DPYSL2: variants seen among roughly 807,000 people sequenced by gnomAD.
DPYSL2 encodes dihydropyrimidinase-related protein 2.
A neutral mutation model predicts 69.9 loss-of-function variants in DPYSL2; 13 were observed. The observed-to-expected ratio is 0.19, with a 90% confidence interval of 0.12 to 0.30. The LOEUF (loss-of-function observed/expected upper bound fraction) is 0.30. Among genes scored for constraint, DPYSL2 ranks in the 10% least tolerant of loss-of-function variants. The pLI is 1.00. For missense variants in DPYSL2, 587 were observed against 918.9 expected (o/e 0.64, Z 4.67); for synonymous variants, 326 against 359.1 (o/e 0.91, Z 1.04).
chr8:26,638,968 G>C (rs1485873180), intron 8 of DPYSL2, among the ~76,000 whole-genome samples: 1 of 152,242 alleles, frequency 6.6e-6, no homozygotes, highest in African/African-American at 2.4e-5. Flanking sequence ...GCCGTGGGCA[G>C]TGCCTGATGA....
intron 1 of DPYSL2, among the ~76,000 whole-genome samples, chr8:26,549,682 C>T (rs190403649): frequency 2.3e-3 from 345 of 152,242 alleles, no homozygotes; most frequent in Admixed American, 5.2e-3. Context: ...AAGTAAAAAG[C>T]ACTTTATATA....
chr8:26,653,863 G>C lies in DPYSL2; in HGVS notation c.1942+466G>C, dbSNP rs1202647174. 5.9e-5 allele frequency among the ~76,000 whole-genome samples: 9 copies of C among 152,224 alleles called. No homozygotes were observed. The highest frequency in any genetic ancestry group is 1.9e-4 in the African/African-American group (8 of 41,532). On this transcript the variant is annotated intron_variant, in intron 13 of 13. Coordinates refer to ENST00000521913, the MANE Select transcript of DPYSL2 (RefSeq NM_001197293.3). The surrounding 1 kb of genome is among the most constrained non-coding windows in gnomAD (Gnocchi z 5.7). Reference sequence around the variant, plus strand: ...GAGCCACCGGGCCCAGCCTAGCTTGGCCTGGAGATGTATTTTCATAGTTAA... The same window carrying C: ...GAGCCACCGGGCCCAGCCTAGCTTGCCCTGGAGATGTATTTTCATAGTTAA...
rs150511931 is a variant in DPYSL2, at chr8:26,636,827, G to A, written c.1126+1927G>A. ...GCCATCTCAGCTCACTGCAGTCTCC[G>A]CCTCCTGGACTCAAGCGATTCTCCC... is the stretch of plus-strand genomic sequence containing the variant. On this transcript the variant is annotated intron_variant, in intron 8 of 13. Transcript: ENST00000521913. Among the ~76,000 whole-genome samples the A allele has an allele frequency of 3.3e-3, 506 of 152,124 alleles. 3 individuals are homozygous for A. Among genetic ancestry groups the A allele is most frequent in the South Asian group, 0.015 (71 of 4,818 alleles).
rs1184697159 is a variant in DPYSL2 at position 26,586,430 on chromosome 8, A to G, written c.628+2447A>G. 6.6e-6 allele frequency among the ~76,000 whole-genome samples: 1 copy of G among 152,112 alleles called. No individual in the cohort carries two copies. Among genetic ancestry groups the G allele is most frequent in the Admixed American group, 6.5e-5 (1 of 15,278 alleles). ...ACAGAAAGTCCCTGTTTTCTCTCAC[A>G]CTTGCTGGAAAGAATCCCTCAGCCC... On this transcript the variant is annotated intron_variant, in intron 3 of 13. Coordinates refer to ENST00000521913, the MANE Select transcript of DPYSL2 (RefSeq NM_001197293.3). The surrounding 1 kb of genome is among the most constrained non-coding windows in gnomAD (Gnocchi z 4.7).
chr8:26,568,556 C>T (rs1401248568), intron 1 of DPYSL2, among the ~76,000 whole-genome samples: 2 of 152,188 alleles, frequency 1.3e-5, no homozygotes, highest in Non-Finnish European at 1.5e-5. Context: ...TCCAAATGGA[C>T]TACTTTCAAG....
chr8:26,518,213 G>A (rs895644561), intron 1 of DPYSL2, among the ~76,000 whole-genome samples: 1 of 152,154 alleles, frequency 6.6e-6, no homozygotes, highest in Non-Finnish European at 1.5e-5. Flanking sequence ...GTGTGGTGGA[G>A]ATTTGGAATA....
intron 11 of DPYSL2, among the ~76,000 whole-genome samples, chr8:26,651,782 C>A (rs1803284965): frequency 1.3e-5 from 2 of 152,192 alleles, no homozygotes. Flanking sequence ...ACAATCCTTT[C>A]ATTTAGGGAC....
At chr8:26,526,164 G>A (rs1016542334) in intron 1 of DPYSL2, among the ~76,000 whole-genome samples, 4 of 152,016 alleles carry the variant, frequency 2.6e-5, no homozygotes, top group African/African-American at 4.8e-5. Flanking sequence ...GCATGATCCT[G>A]GCTCACTGCA....
rs1468562605 is a variant in DPYSL2 at position 26,624,665 on chromosome 8, A to G, written c.793+358A>G. Among the ~76,000 whole-genome samples the G allele has an allele frequency of 2.6e-5, 4 of 152,178 alleles. No individual in the cohort carries two copies. Among genetic ancestry groups the G allele is most frequent in the Admixed American group, 1.3e-4 (2 of 15,278 alleles). The stretch of plus-strand genomic sequence containing the variant: ...TTTACCCTCAAAAGATAACAAATAC[A>G]TATCTCAGTGAGGATTTGACAGTCT... On this transcript the variant is annotated intron_variant, in intron 4 of 13. Transcript: ENST00000521913. The surrounding 1 kb of genome is among the most constrained non-coding windows in gnomAD (Gnocchi z 4.7).
chr8:26,631,991 A>AACACATCCCAGT (rs1394166000), intron 7 of DPYSL2, among the ~76,000 whole-genome samples: 1 of 152,150 alleles, frequency 6.6e-6, no homozygotes, highest in Non-Finnish European at 1.5e-5. Context: ...GATGGAATGA[A>AACACATCCCAGT]ACACATCCCA....
rs138370987 is a variant in DPYSL2, at chr8:26,620,453, A to C, written c.629-3690A>C. Among the ~76,000 whole-genome samples, 43 of 151,638 alleles carry C rather than the reference A, an allele frequency of 2.8e-4. No homozygotes were observed. The highest frequency in any genetic ancestry group is 5.5e-4 in the Non-Finnish European group (37 of 67,826). On this transcript the variant is annotated intron_variant, in intron 3 of 13. Transcript: ENST00000521913. This position sits in a 1 kb window ranked among gnomAD's most constrained non-coding sequence, Gnocchi z 4.5. ...GTATTTTTAGTAGAGACGAGGTTTC[A>C]TCATGTTGCCCAGGCTGGTCTCGAA...
intron 3 of DPYSL2, among the ~76,000 whole-genome samples, chr8:26,622,129 CCTT>C (rs1347978656): frequency 3.4e-4 from 18 of 52,306 alleles, no homozygotes; most frequent in East Asian, 1.1e-3. Flanking sequence ...TTCCTTCCTT[CCTT>C]CCTTCCTTCC....
At chr8:26,600,847 G>A (rs117929388) in intron 3 of DPYSL2, among the ~76,000 whole-genome samples, 6,136 of 152,218 alleles carry the variant, frequency 0.04, 142 homozygotes, top group South Asian at 0.1. Context: ...TGATCTCACC[G>A]CATGGCTGAG....
At chr8:26,596,150 A>C (rs779252347) in intron 3 of DPYSL2, among the ~76,000 whole-genome samples, 1 of 152,104 alleles carries the variant, frequency 6.6e-6, no homozygotes, top group Non-Finnish European at 1.5e-5. Context: ...GGAGGACCTA[A>C]TCTTTTGGAG....
At chr8:26,646,530 T>C (rs1020876407) in intron 10 of DPYSL2, among the ~76,000 whole-genome samples, 2 of 152,242 alleles carry the variant, frequency 1.3e-5, no homozygotes, top group African/African-American at 2.4e-5. Context: ...TTTTTTCCTA[T>C]GCTTAGTGGC....
At chr8:26,629,968 C>G (rs914334624) in intron 7 of DPYSL2, among the ~76,000 whole-genome samples, 19 of 126,332 alleles carry the variant, frequency 1.5e-4, no homozygotes, top group Non-Finnish European at 2.9e-4. Flanking sequence ...CACACACTCA[C>G]GTTCACACAC....
In DPYSL2 at chr8:26,626,556, C is replaced by T; in HGVS notation, c.794-61C>T. On this transcript the variant is annotated intron_variant, in intron 4 of 13. Coordinates refer to ENST00000521913, the MANE Select transcript of DPYSL2 (RefSeq NM_001197293.3). The surrounding 1 kb of genome is among the most constrained non-coding windows in gnomAD (Gnocchi z 4.3). ...ACAGACAGTATTATCACTTTCTTAT[C>T]CCTTATTTGGTTATTTGGTTTATCT... is the stretch of plus-strand genomic sequence containing the variant. 6.8e-7 allele frequency: 1 copy of T among 1,479,400 alleles called. No individual in the cohort carries two copies. 91.6% of individuals were successfully genotyped at this position (1,479,400 alleles called of 1,614,324 possible).
rs537152122 is a variant in DPYSL2 at position 26,648,627 on chromosome 8, G to A, written c.1596+827G>A. Among the ~76,000 whole-genome samples the A allele has an allele frequency of 2.0e-5, 3 of 152,290 alleles. No homozygotes were observed. Among genetic ancestry groups the A allele is most frequent in the South Asian group, 4.1e-4 (2 of 4,824 alleles). On this transcript the variant is annotated intron_variant, in intron 11 of 13. Coordinates refer to ENST00000521913, the MANE Select transcript of DPYSL2 (RefSeq NM_001197293.3). This position sits in a 1 kb window ranked among gnomAD's most constrained non-coding sequence, Gnocchi z 4.3. ...GAGCTTTGGAAAAGAAATGGGCCTC[G>A]GGCAGAAGAGTTTCGTGTCAGGAAC...
chr8:26,631,435 A>G (rs1421520258), intron 7 of DPYSL2, among the ~76,000 whole-genome samples: 2 of 152,128 alleles, frequency 1.3e-5, no homozygotes, highest in African/African-American at 4.8e-5. Flanking sequence ...GCATGGGGGA[A>G]ACCTTCCCCA....
Sources: gnomAD v4.1 joint callset for allele counts (sites outside exome capture counted in the v4.1 genomes callset) on GRCh38, gnomAD v4.1.1 for gene constraint, Gnocchi (gnomAD v3.1) non-coding constraint, MANE v1.5 for transcripts, NCBI Gene and HGNC (gene_info 2026-07-23, HGNC 2026-07-21) for gene names.